ZKSCAN5: variants seen among roughly 807,000 people sequenced by gnomAD.
ZKSCAN5 encodes zinc finger protein with KRAB and SCAN domains 5.
ZKSCAN5 carries 28 observed loss-of-function variants against 60.0 expected under a neutral mutation model. That is an observed-to-expected ratio of 0.47 (90% CI 0.35 to 0.64). The LOEUF is 0.64. ZKSCAN5 is among the 30% of genes least tolerant of loss of function. The pLI, the probability that ZKSCAN5 is intolerant of heterozygous loss-of-function variation, is 0.01. For synonymous variants in ZKSCAN5, 361 were observed against 371.2 expected, an observed-to-expected ratio of 0.97 and a Z score of 0.31; for missense variants, 881 against 1,034.6, an observed-to-expected ratio of 0.85 and a Z score of 2.04.
intron 6 of ZKSCAN5, among the ~76,000 whole-genome samples, chr7:99,529,081 C>T (rs947056896): frequency 4.6e-5 from 7 of 152,160 alleles, no homozygotes; most frequent in Non-Finnish European, 8.8e-5. Flanking sequence ...CCCTCTTCAT[C>T]ATCCTTCACT....
At chr7:99,524,812 C>A (rs1252845342) in intron 5 of ZKSCAN5, among the ~76,000 whole-genome samples, 1 of 152,068 alleles carries the variant, frequency 6.6e-6, no homozygotes, top group Non-Finnish European at 1.5e-5. Context: ...TATGAATTCA[C>A]AGGAAGAGGA....
intron 6 of ZKSCAN5, among the ~76,000 whole-genome samples, chr7:99,528,119 C>CTTTTTT (rs869150553): frequency 8.2e-6 from 1 of 121,254 alleles, no homozygotes; most frequent in African/African-American, 3.0e-5. Flanking sequence ...AAATGTTTTT[C>CTTTTTT]TTTTTTTTTT....
chr7:99,507,393 A>G (rs564743810), intron 2 of ZKSCAN5, among the ~76,000 whole-genome samples: 70 of 151,634 alleles, frequency 4.6e-4, no homozygotes, highest in Non-Finnish European at 9.3e-4. Context: ...TATCTCACAT[A>G]TATGTCTGTA....
At chr7:99,514,768 C>T (rs1482713152) in intron 3 of ZKSCAN5, among the ~76,000 whole-genome samples, 2 of 151,890 alleles carry the variant, frequency 1.3e-5, no homozygotes, top group Non-Finnish European at 2.9e-5. Flanking sequence ...ATTAGCCGGG[C>T]GTGGTGGCAG....
At chr7:99,515,859 T>C (rs993978888) in intron 3 of ZKSCAN5, among the ~76,000 whole-genome samples, 1 of 150,846 alleles carries the variant, frequency 6.6e-6, no homozygotes, top group Non-Finnish European at 1.5e-5. Flanking sequence ...AAGAAAGAAA[T>C]TAAGCTGAGT....
At position 99,531,845 on chromosome 7, in the gene ZKSCAN5, G is replaced by A. The variant is rs1271720991; in HGVS notation, c.2116G>A (p.Glu706Lys). 11 of 1,614,080 alleles carry A rather than the reference G, an allele frequency of 6.8e-6. No individual in the cohort carries two copies. Among genetic ancestry groups the A allele is most frequent in the African/African-American group, 1.3e-5 (1 of 74,934 alleles). The change falls in exon 7 of 7, where the codon GAA (glutamate) becomes AAA (lysine). Residue 706 changes from glutamate (E) to lysine (K), a missense_variant. Physicochemically the swap from Glu to Lys is moderately conservative, Grantham distance 56. Around this residue, in one of 5 missense-constraint regions of ZKSCAN5, gnomAD observed 112 missense variants for 182.4 expected, o/e 0.61. Transcript: ENST00000326775. Reference protein sequence around the residue: ...EAYSWNLTVIEDKKIELQEQP... With the variant: ...EAYSWNLTVIKDKKIELQEQP... ...ATATAGTTGGAACTTGACAGTGATT[G>A]AAGACAAGAAGATTGAGTTACAAGA... is the stretch of plus-strand genomic sequence containing the variant.
chr7:99,526,127 C>G lies in ZKSCAN5; in HGVS notation c.1087C>G (p.Gln363Glu). 6.2e-7 allele frequency: 1 copy of G among 1,614,220 alleles called. No individual in the cohort carries two copies. Among genetic ancestry groups the G allele is most frequent in the Non-Finnish European group, 8.5e-7 (1 of 1,180,046 alleles). ...CTTCCTCCAAGCCTCAAACTTTATT[C>G]AGCATCGGCGCATCCACACTGGAGA... is the stretch of plus-strand genomic sequence containing the variant. ...KFFLQASNFI[Q>E]HRRIHTGEKP... Residue 363 changes from glutamine (Q) to glutamate (E), a missense_variant, in exon 6 of 7, where the codon CAG (glutamine) becomes GAG (glutamate). This residue lies in a region of ZKSCAN5 where 490 missense variants were observed against 554.5 expected (regional missense o/e 0.88). Coordinates refer to ENST00000326775, the MANE Select transcript of ZKSCAN5 (RefSeq NM_145102.4).
chr7:99,511,924 G>A (rs1263306044), intron 2 of ZKSCAN5, among the ~76,000 whole-genome samples: 2 of 152,054 alleles, frequency 1.3e-5, no homozygotes, highest in Admixed American at 6.6e-5. Context: ...TGAGTAGCTG[G>A]GACTACAGGC....
chr7:99,523,529 C>G (rs765303252), intron 5 of ZKSCAN5, among the ~76,000 whole-genome samples: 5 of 152,108 alleles, frequency 3.3e-5, no homozygotes, highest in Non-Finnish European at 5.9e-5. Context: ...TCGCTTCAAC[C>G]AGGGAGTTAG....
At chr7:99,513,981 G>A (rs1264269874) in intron 3 of ZKSCAN5, among the ~76,000 whole-genome samples, 2 of 152,144 alleles carry the variant, frequency 1.3e-5, no homozygotes, top group East Asian at 1.9e-4. Context: ...GGAGGCAAAG[G>A]TTGCAGTGAG....
chr7:99,531,805 C>A lies in ZKSCAN5; in HGVS notation c.2076C>A (p.Gly692=). The A allele has an allele frequency of 6.2e-7, 1 of 1,614,104 alleles. No homozygotes were observed. Among genetic ancestry groups the A allele is most frequent in the Non-Finnish European group, 8.5e-7 (1 of 1,180,024 alleles). The part of the protein sequence containing the change: ...LHMGQKNEKN[G]ICEEAYSWNL... Reference sequence around the variant, plus strand: ...TGGGTCAGAAAAATGAAAAAAATGGCATCTGTGAGGAAGCATATAGTTGGA... The same window carrying A: ...TGGGTCAGAAAAATGAAAAAAATGGAATCTGTGAGGAAGCATATAGTTGGA... Residue 692 remains glycine (G), a synonymous_variant, in exon 7 of 7, where the codon GGC becomes GGA. Coordinates refer to ENST00000326775, the MANE Select transcript of ZKSCAN5 (RefSeq NM_145102.4).
At chr7:99,520,409 G>A (rs970110315) in intron 5 of ZKSCAN5, 105 bp downstream of exon 5, 20 of 1,368,740 alleles carry the variant, frequency 1.5e-5, no homozygotes, top group Non-Finnish European at 1.8e-5. Context: ...TATGTGCTAT[G>A]ACTTTGCTTT....
intron 5 of ZKSCAN5, among the ~76,000 whole-genome samples, chr7:99,521,524 A>G (rs1246862291): frequency 6.6e-6 from 1 of 152,182 alleles, no homozygotes; most frequent in African/African-American, 2.4e-5. Context: ...TTTGAAAAAC[A>G]TTATGTCAGT....
At chr7:99,506,773 C>T (rs1374054886) in intron 2 of ZKSCAN5, among the ~76,000 whole-genome samples, 1 of 152,164 alleles carries the variant, frequency 6.6e-6, no homozygotes, top group Non-Finnish European at 1.5e-5. Flanking sequence ...AGCTCCGCCT[C>T]CCGGGTTCAC....
rs1800912432 is a variant in ZKSCAN5 at position 99,509,368 on chromosome 7, C to T, written c.414+2910C>T. 2.0e-5 allele frequency among the ~76,000 whole-genome samples: 3 copies of T among 152,320 alleles called. No individual in the cohort carries two copies. The South Asian group carries it at 6.2e-4, about 32-fold the overall frequency. ...CAAACTCCTGACCTCAGGTGATCCA[C>T]CTGCCTTGGCCTCCCAAAGTGCTGG... is the stretch of plus-strand genomic sequence containing the variant. On this transcript the variant is annotated intron_variant, in intron 2 of 6. Coordinates refer to ENST00000326775, the MANE Select transcript of ZKSCAN5 (RefSeq NM_145102.4).
Position 99,531,127 on chromosome 7 carries a change from G to A in ZKSCAN5, c.1398G>A (p.Lys466=). 1 of 1,586,722 alleles carries A rather than the reference G, an allele frequency of 6.3e-7. No individual in the cohort carries two copies. The highest frequency in any genetic ancestry group is 1.4e-5 in the African/African-American group (1 of 73,144). Residue 466 remains lysine, a synonymous_variant, in exon 7 of 7, where the codon AAG becomes AAA. Coordinates refer to ENST00000326775, the MANE Select transcript of ZKSCAN5 (RefSeq NM_145102.4). ...KSQRCSDKRS[K]NTKLSVKKKI... ...TTTTAGGCAGTGACAAAAGAAGTAA[G>A]AACACAAAATTAAGTGTTAAGAAGA... is the stretch of plus-strand genomic sequence containing the variant.
intron 5 of ZKSCAN5, among the ~76,000 whole-genome samples, chr7:99,523,844 T>G (rs1801652595): frequency 6.6e-6 from 1 of 152,134 alleles, no homozygotes; most frequent in African/African-American, 2.4e-5. Context: ...TAAAATTGTC[T>G]TCATAGTTTA....
chr7:99,533,098 T>C lies in ZKSCAN5; in HGVS notation c.*849T>C, dbSNP rs1802126087. ...ACAGGAATGAGGGCAGCTAAACCCA[T>C]AGAAGGAGTTGGACCAAGGCGAATT... On this transcript the variant is annotated 3_prime_UTR_variant, in exon 7 of 7. Transcript: ENST00000326775. 1 of 357,850 alleles carries C rather than the reference T, an allele frequency of 2.8e-6. No individual in the cohort carries two copies. The highest frequency in any genetic ancestry group is 2.2e-5 in the South Asian group (1 of 45,396). 22.2% of individuals were successfully genotyped at this position (357,850 alleles called of 1,614,324 possible). A position where few individuals can be genotyped will look rare whatever the true frequency, so the allele number is the denominator to read the frequency against.
chr7:99,508,030 T>G (rs981684827), intron 2 of ZKSCAN5, among the ~76,000 whole-genome samples: 2 of 152,202 alleles, frequency 1.3e-5, no homozygotes, highest in Non-Finnish European at 2.9e-5. Context: ...CCGGGCACGG[T>G]AGCTCATGCC....
Sources: allele counts gnomAD v4.1 joint callset (sites outside exome capture counted in the v4.1 genomes callset), GRCh38; gene constraint gnomAD v4.1.1; regional missense constraint gnomAD v4.1.1; transcripts MANE v1.5; gene names NCBI Gene and HGNC (gene_info 2026-07-23, HGNC 2026-07-21).